ZNF708: variants seen among roughly 807,000 people sequenced by gnomAD.
The protein encoded by ZNF708 is ZNF15, ZNF15L1.
In ZNF708, 44 loss-of-function variants were observed where a neutral mutation model predicts 47.0. The ratio of observed to expected loss-of-function variants is 0.94; its 90% CI spans 0.74 to 1.20. ZNF708 has a LOEUF of 1.20. ZNF708 is among the 50% of genes most tolerant of loss of function. The pLI, the probability that ZNF708 is intolerant of heterozygous loss-of-function variation, is 0.00. For missense variants in ZNF708, 557 were observed against 656.0 expected (o/e 0.85, Z 1.65); for synonymous variants, 184 against 218.5 (o/e 0.84, Z 1.39).
chr19:21,324,531 C>G (rs752866313), intron 1 of ZNF708, among the ~76,000 whole-genome samples: 61 of 152,062 alleles, frequency 4.0e-4, no homozygotes, highest in Admixed American at 1.9e-3. Context: ...CATGACATTG[C>G]ACTCCAGCCT....
intron 1 of ZNF708, among the ~76,000 whole-genome samples, chr19:21,311,338 GA>G (rs1013585477): frequency 6.6e-6 from 1 of 151,058 alleles, no homozygotes; most frequent in Admixed American, 6.6e-5. Context: ...ACTCTATGGT[GA>G]AAAAATCTTT....
intron 2 of ZNF708, among the ~76,000 whole-genome samples, chr19:21,310,216 G>C (rs1019061308): frequency 6.6e-6 from 1 of 152,016 alleles, no homozygotes; most frequent in Non-Finnish European, 1.5e-5. Flanking sequence ...GGAGGCTGAG[G>C]CGGGCAGACC....
At chr19:21,300,692 G>A (rs756716203) in intron 3 of ZNF708, among the ~76,000 whole-genome samples, 2 of 151,250 alleles carry the variant, frequency 1.3e-5, no homozygotes, top group South Asian at 2.1e-4. Flanking sequence ...ACAGAGTCTC[G>A]CTCTGTCTCC....
chr19:21,310,470 A>G lies in ZNF708; in HGVS notation c.130+31T>C. The G allele has an allele frequency of 1.7e-6, 2 of 1,143,474 alleles. 1 individual carries two copies. The highest frequency in any genetic ancestry group is 5.0e-5 in the South Asian group (2 of 39,768). 70.8% of individuals were successfully genotyped at this position (1,143,474 alleles called of 1,614,324 possible). A position where few individuals can be genotyped will look rare whatever the true frequency, so the allele number is the denominator to read the frequency against. Reference sequence around the variant, plus strand: ...AAAAAAAAAAATAATAATAAATAATAAAAATTAAAAAAAAAAAAACTTATC... The same window carrying G: ...AAAAAAAAAAATAATAATAAATAATGAAAATTAAAAAAAAAAAAACTTATC... On this transcript the variant is annotated intron_variant, in intron 2 of 3. Transcript: ENST00000356929.
intron 1 of ZNF708, among the ~76,000 whole-genome samples, chr19:21,320,894 C>G (rs889011912): frequency 2.0e-5 from 3 of 151,402 alleles, no homozygotes; most frequent in African/African-American, 7.3e-5. Flanking sequence ...GTAATCCCAG[C>G]ACTTTGGGAG....
rs748480597 is a variant in ZNF708 at position 21,309,252 on chromosome 19, G to A, written c.220C>T (p.Pro74Ser). The change falls in exon 3 of 4, where the codon CCC becomes TCC. Residue 74 changes from proline (P) to serine (S), a missense_variant. Transcript: ENST00000356929. ...NMKRHEMAAK[P>S]PAMCSHFAKD... Reference sequence around the variant, plus strand: ...TGTGTTCACTCTCACCTACCTGGGGGTTTGGCTGCCATCTCGTGTCTCTTC... The same window carrying A: ...TGTGTTCACTCTCACCTACCTGGGGATTTGGCTGCCATCTCGTGTCTCTTC... The A allele has an allele frequency of 2.5e-6, 4 of 1,602,218 alleles. No individual in the cohort carries two copies. In the African/African-American group the frequency reaches 4.0e-5, roughly 16 times the overall value.
At chr19:21,322,598 C>T (rs1002065292) in intron 1 of ZNF708, among the ~76,000 whole-genome samples, 1 of 152,144 alleles carries the variant, frequency 6.6e-6, no homozygotes, top group Non-Finnish European at 1.5e-5. Flanking sequence ...CCACGGCACC[C>T]GGCCAGAGCT....
chr19:21,315,554 T>G (rs1207637454), intron 1 of ZNF708, among the ~76,000 whole-genome samples: 1 of 152,172 alleles, frequency 6.6e-6, no homozygotes, highest in Non-Finnish European at 1.5e-5. Context: ...TACAATTTAT[T>G]TGGGCCAAAC....
rs142634813 is a variant in ZNF708 at position 21,294,639 on chromosome 19, C to A, written c.327G>T (p.Gln109His). Residue 109 changes from glutamine to histidine, a missense_variant, in exon 4 of 4, where the codon CAG (glutamine) becomes CAT (histidine). Transcript: ENST00000356929. ...ILRRYGKCGY[Q>H]KGCKSVDEHK... ...GCTCATCCACACTTTTACAGCCTTTCTGATATCCACATTTTCCATATCTTC... is the reference window on the plus strand; with the variant it reads ...GCTCATCCACACTTTTACAGCCTTTATGATATCCACATTTTCCATATCTTC... The A allele has an allele frequency of 1.7e-5, 27 of 1,613,694 alleles. No homozygotes were observed. The highest frequency in any genetic ancestry group is 2.3e-5 in the Non-Finnish European group (27 of 1,179,726).
chr19:21,306,020 G>T (rs1446951148), intron 3 of ZNF708, among the ~76,000 whole-genome samples: 1 of 152,062 alleles, frequency 6.6e-6, no homozygotes, highest in Non-Finnish European at 1.5e-5. Context: ...TTGAAAACTG[G>T]AAAGCGACAC....
chr19:21,324,338 C>T lies in ZNF708; in HGVS notation c.3+4872G>A, dbSNP rs1423956876. Among the ~76,000 whole-genome samples the T allele has an allele frequency of 3.9e-5, 6 of 152,130 alleles. No individual in the cohort carries two copies. In the South Asian group the frequency reaches 8.3e-4, roughly 21 times the overall value. On this transcript the variant is annotated intron_variant, in intron 1 of 3. Transcript: ENST00000356929. ...ATCCCAGCACTTTGGGAGGCCGAGG[C>T]GGGCAGATCACCTGAGGTCAGGAGT... is the stretch of plus-strand genomic sequence containing the variant.
intron 3 of ZNF708, among the ~76,000 whole-genome samples, chr19:21,299,650 G>A (rs1972613814): frequency 6.6e-6 from 1 of 151,218 alleles, no homozygotes; most frequent in Non-Finnish European, 1.5e-5. Context: ...ATGCACACCT[G>A]TAATCCCAGC....
intron 1 of ZNF708, among the ~76,000 whole-genome samples, chr19:21,322,439 T>C (rs1179305314): frequency 6.6e-6 from 1 of 152,028 alleles, no homozygotes; most frequent in Non-Finnish European, 1.5e-5. Flanking sequence ...ATAGCTGAGA[T>C]TACAAGAACG....
At chr19:21,302,328 A>T (rs981815310) in intron 3 of ZNF708, among the ~76,000 whole-genome samples, 1 of 151,902 alleles carries the variant, frequency 6.6e-6, no homozygotes, top group African/African-American at 2.4e-5. Context: ...AATAATCTTC[A>T]ATATCAATAA....
At chr19:21,315,387 T>C (rs1262232381) in intron 1 of ZNF708, among the ~76,000 whole-genome samples, 1 of 152,218 alleles carries the variant, frequency 6.6e-6, no homozygotes, top group Admixed American at 6.5e-5. Flanking sequence ...CCAGATCTTA[T>C]GTGCAGATTC....
intron 3 of ZNF708, among the ~76,000 whole-genome samples, chr19:21,300,613 T>C (rs1972639356): frequency 6.6e-6 from 1 of 152,140 alleles, no homozygotes; most frequent in South Asian, 2.1e-4. Context: ...CTTGACATTG[T>C]CTTAAATTGC....
At chr19:21,324,385 T>C (rs1973215528) in intron 1 of ZNF708, among the ~76,000 whole-genome samples, 3 of 152,128 alleles carry the variant, frequency 2.0e-5, no homozygotes, top group African/African-American at 7.2e-5. Context: ...CTGACCAACA[T>C]GCAGAAACCC....
intron 3 of ZNF708, among the ~76,000 whole-genome samples, chr19:21,295,659 C>T (rs1034247466): frequency 2.6e-5 from 4 of 151,972 alleles, no homozygotes; most frequent in African/African-American, 9.7e-5. Flanking sequence ...GCAGGAGAAT[C>T]GCTTGAACTC....
At chr19:21,310,086 CCAAAAAAACACGCAA>C (rs1972865405) in intron 2 of ZNF708, among the ~76,000 whole-genome samples, 1 of 151,834 alleles carries the variant, frequency 6.6e-6, no homozygotes, top group African/African-American at 2.4e-5. Flanking sequence ...GCATAAATTG[CCAAAAAAACACGCAA>C]CAAAAAAGAG....
Sources: gnomAD v4.1 joint callset for allele counts (sites outside exome capture counted in the v4.1 genomes callset) on GRCh38, gnomAD v4.1.1 for gene constraint, MANE v1.5 for transcripts, NCBI Gene and HGNC (gene_info 2026-07-23, HGNC 2026-07-21) for gene names.